Variants in PCDHA10 observed in about 807,000 individuals in gnomAD.
PCDHA10 encodes protocadherin alpha-10.
A neutral mutation model predicts 61.2 loss-of-function variants in PCDHA10; 45 were observed. That is an observed-to-expected ratio of 0.74 (90% CI 0.58 to 0.94). The LOEUF is 0.94. PCDHA10 is among the 40% of genes least tolerant of loss of function. The pLI is 0.00. For missense variants in PCDHA10, 1,278 were observed against 1,236.2 expected, an observed-to-expected ratio of 1.03 and a Z score of -0.51; for synonymous variants, 602 against 548.8, an observed-to-expected ratio of 1.10 and a Z score of -1.35.
At chr5:140,869,511 A>C in intron 1 of PCDHA10, 1 of 1,614,194 alleles carries the variant, frequency 6.2e-7, no homozygotes, top group Non-Finnish European at 8.5e-7. Context: ...TCTCGCTCAG[A>C]GAACAAAAGC....
chr5:140,869,180 T>C (rs782798909), intron 1 of PCDHA10: 1 of 1,613,322 alleles, frequency 6.2e-7, no homozygotes, highest in Admixed American at 1.7e-5. Flanking sequence ...TTCTGGGAGG[T>C]GGGGAGCGGC....
In PCDHA10 at chr5:141,010,583, G is replaced by A. The variant is rs1186884021; in HGVS notation, c.*646G>A. The A allele has an allele frequency of 4.1e-5, 10 of 242,992 alleles. No individual in the cohort carries two copies. The highest frequency in any genetic ancestry group is 3.6e-4 in the Admixed American group (7 of 19,606). 15.1% of individuals were successfully genotyped at this position (242,992 alleles called of 1,614,324 possible). A position where few individuals can be genotyped will look rare whatever the true frequency, so the allele number is the denominator to read the frequency against. The stretch of plus-strand genomic sequence containing the variant: ...TGACAAGGCTTTAGGAGACCCTAAA[G>A]TCTGTTGGCTGTGACGTCATTATAC... On this transcript the variant is annotated 3_prime_UTR_variant, in exon 4 of 4. Coordinates refer to ENST00000307360, the MANE Select transcript of PCDHA10 (RefSeq NM_018901.4).
chr5:140,946,634 A>ATATAT (rs1554217761), intron 1 of PCDHA10, among the ~76,000 whole-genome samples: 3 of 147,374 alleles, frequency 2.0e-5, no homozygotes, highest in Admixed American at 6.8e-5. Context: ...ATATATATAC[A>ATATAT]ATGGAATACT....
intron 3 of PCDHA10, among the ~76,000 whole-genome samples, chr5:141,000,248 C>T (rs1027764843): frequency 2.6e-5 from 4 of 151,280 alleles, no homozygotes; most frequent in Non-Finnish European, 4.4e-5. Context: ...GTGGCTGACA[C>T]CTGTGATCCT....
chr5:140,866,156 GAA>G (rs1441624325), intron 1 of PCDHA10: 1 of 152,104 alleles, frequency 6.6e-6, no homozygotes, highest in Admixed American at 6.5e-5. Flanking sequence ...ATATAAGTAA[GAA>G]TCGTTTAACA....
At chr5:140,903,942 A>G (rs1279645269) in intron 1 of PCDHA10, among the ~76,000 whole-genome samples, 5 of 152,212 alleles carry the variant, frequency 3.3e-5, no homozygotes, top group African/African-American at 1.2e-4. Flanking sequence ...TACCTCTTAA[A>G]TACTGGAAAA....
At position 140,857,656 on chromosome 5, in the gene PCDHA10, G is replaced by A. The variant is rs1269090821; in HGVS notation, c.1608G>A (p.Ala536=). 2.5e-6 allele frequency: 4 copies of A among 1,596,690 alleles called. No individual in the cohort carries two copies. Among genetic ancestry groups the A allele is most frequent in the Admixed American group, 3.4e-5 (2 of 59,284 alleles). ...AGCTGCTACAGTTCCAGGTGAGCGC[G>A]CGCGATGGGGGCGTGCCGCCTCTGG... ...ELELLQFQVS[A]RDGGVPPLGS... is the part of the protein sequence containing the mutation. Residue 536 remains alanine (A), a synonymous_variant, in exon 1 of 4, where the codon GCG becomes GCA. Transcript: ENST00000307360.
chr5:140,945,455 A>G (rs2093793181), intron 1 of PCDHA10, among the ~76,000 whole-genome samples: 1 of 152,192 alleles, frequency 6.6e-6, no homozygotes, highest in African/African-American at 2.4e-5. Flanking sequence ...AACTTCCCTA[A>G]AATTTGCATG....
chr5:140,974,126 T>C (rs1554235851), intron 1 of PCDHA10, among the ~76,000 whole-genome samples: 1 of 152,242 alleles, frequency 6.6e-6, no homozygotes, highest in Non-Finnish European at 1.5e-5. Flanking sequence ...GTGTTTTAAA[T>C]CTGCTAACCT....
chr5:141,004,715 G>T (rs989871938), intron 3 of PCDHA10, among the ~76,000 whole-genome samples: 2 of 152,162 alleles, frequency 1.3e-5, no homozygotes, highest in African/African-American at 2.4e-5. Flanking sequence ...CGAATCAGAG[G>T]TTTTTAAATA....
At position 140,856,710 on chromosome 5, in the gene PCDHA10, T is replaced by A; in HGVS notation, c.662T>A (p.Phe221Tyr). The A allele has an allele frequency of 6.3e-7, 1 of 1,596,610 alleles. No individual in the cohort carries two copies. The highest frequency in any genetic ancestry group is 8.6e-7 in the Non-Finnish European group (1 of 1,166,316). Residue 221 changes from phenylalanine (F) to tyrosine (Y), a missense_variant, in exon 1 of 4, where the codon TTT (phenylalanine) becomes TAT (tyrosine). By Grantham distance (22) the Phe-to-Tyr change is conservative (BLOSUM62 3). Coordinates refer to ENST00000307360, the MANE Select transcript of PCDHA10 (RefSeq NM_018901.4). ...GCAACTGATGGAGGCAAACCTGAAT[T>A]TACCGGATCTGTTTCTCTGCTGATC... ...LTATDGGKPEFTGSVSLLILV... is the reference protein window; with the variant it reads ...LTATDGGKPEYTGSVSLLILV...
At chr5:140,933,651 C>G (rs2089301034) in intron 1 of PCDHA10, among the ~76,000 whole-genome samples, 1 of 151,824 alleles carries the variant, frequency 6.6e-6, no homozygotes, top group South Asian at 2.1e-4. Flanking sequence ...GTTGGAAATC[C>G]TGTCTCTCTC....
intron 1 of PCDHA10, chr5:140,930,452 G>A (rs2086853363): frequency 6.6e-6 from 1 of 151,826 alleles, no homozygotes; most frequent in Non-Finnish European, 1.5e-5. Flanking sequence ...CAAACTCCTA[G>A]CCTCAAGTGA....
At chr5:140,951,311 T>G (rs1240303466) in intron 1 of PCDHA10, among the ~76,000 whole-genome samples, 4 of 152,224 alleles carry the variant, frequency 2.6e-5, no homozygotes, top group African/African-American at 9.6e-5. Context: ...ATTAATGTGT[T>G]ATTCTTGAGA....
chr5:140,887,321 C>A (rs1277860165), intron 1 of PCDHA10, among the ~76,000 whole-genome samples: 4 of 152,150 alleles, frequency 2.6e-5, no homozygotes, highest in Non-Finnish European at 5.9e-5. Flanking sequence ...TAGTCTCGAA[C>A]TCCTGACCTC....
chr5:140,898,733 A>C (rs1401773719), intron 1 of PCDHA10, among the ~76,000 whole-genome samples: 1 of 152,154 alleles, frequency 6.6e-6, no homozygotes, highest in Non-Finnish European at 1.5e-5. Flanking sequence ...GAAGAAAGTC[A>C]TTGGTAGCTT....
intron 1 of PCDHA10, among the ~76,000 whole-genome samples, chr5:140,919,973 A>T (rs1554199334): frequency 7.5e-6 from 1 of 133,994 alleles, no homozygotes; most frequent in Non-Finnish European, 1.7e-5. Context: ...TAAATAAGAG[A>T]TAGAAGATGG....
chr5:140,919,201 A>AT (rs1328020690), intron 1 of PCDHA10, among the ~76,000 whole-genome samples: 1 of 152,202 alleles, frequency 6.6e-6, no homozygotes. Flanking sequence ...TTTTGTCATT[A>AT]TAAAATGTCC....
At chr5:140,871,861 T>C (rs1554165885) in intron 1 of PCDHA10, among the ~76,000 whole-genome samples, 1 of 152,272 alleles carries the variant, frequency 6.6e-6, no homozygotes, top group East Asian at 1.9e-4. Flanking sequence ...ATAATAACTA[T>C]GGATTATTTA....
Sources: allele counts gnomAD v4.1 joint callset (sites outside exome capture counted in the v4.1 genomes callset), GRCh38; gene constraint gnomAD v4.1.1; transcripts MANE v1.5; gene names NCBI Gene and HGNC (gene_info 2026-07-23, HGNC 2026-07-21).